The following FTO variants were observed in gnomAD, a reference collection of about 807,000 sequenced individuals.
The protein encoded by FTO is FTO alpha-ketoglutarate dependent dioxygenase.
A neutral mutation model predicts 63.9 loss-of-function variants in FTO; 47 were observed. The observed-to-expected ratio is 0.74, with a 90% CI of 0.58 to 0.94. The LOEUF (loss-of-function observed/expected upper bound fraction) is 0.94, where lower values mean the gene tolerates loss of function less well. FTO is among the 40% of genes least tolerant of loss of function. FTO has a pLI of 0.00. For missense variants in FTO, 562 were observed against 618.1 expected, an observed-to-expected ratio of 0.91 and a Z score of 0.96; for synonymous variants, 207 against 224.4, an observed-to-expected ratio of 0.92 and a Z score of 0.69.
At chr16:53,980,272 G>T (rs1359338220) in intron 8 of FTO, among the ~76,000 whole-genome samples, 1 of 152,150 alleles carries the variant, frequency 6.6e-6, no homozygotes, top group Non-Finnish European at 1.5e-5. Context: ...CCGAACAATT[G>T]TGAAATTAGT....
intron 1 of FTO, among the ~76,000 whole-genome samples, chr16:53,805,720 G>A (rs941544707): frequency 2.6e-5 from 4 of 152,162 alleles, no homozygotes; most frequent in Admixed American, 2.0e-4. Flanking sequence ...AAAGTGCTGG[G>A]ATTACAGGTG....
At position 54,112,137 on chromosome 16, in the gene FTO, C is replaced by A. The variant is rs1432551625; in HGVS notation, c.*222C>A. Reference sequence around the variant, plus strand: ...TTGGTGTTAAACAGGACCTTCTTCCCCCAAAATTGTTCAGATTATAAAATG... The same window carrying A: ...TTGGTGTTAAACAGGACCTTCTTCCACCAAAATTGTTCAGATTATAAAATG... On this transcript the variant is annotated 3_prime_UTR_variant, in exon 9 of 9. Transcript: ENST00000471389. The A allele has an allele frequency of 3.5e-6, 2 of 566,514 alleles. No homozygotes were observed. Among genetic ancestry groups the A allele is most frequent in the African/African-American group, 3.8e-5 (2 of 53,108 alleles). 35.1% of individuals were successfully genotyped at this position (566,514 alleles called of 1,614,324 possible).
Position 53,901,807 on chromosome 16 carries a change from G to A in FTO, c.1239+12856G>A, listed in dbSNP as rs144229700. Among the ~76,000 whole-genome samples, 126 of 152,238 alleles carry A rather than the reference G, an allele frequency of 8.3e-4. 1 individual carries two copies. The highest frequency in any genetic ancestry group is 2.9e-3 in the African/African-American group (121 of 41,570). ...CAATGACTGGTTTTATTACTTCTAAGGCACAAGATGTTAATTGTTGAGTGA... is the reference window on the plus strand; with the variant it reads ...CAATGACTGGTTTTATTACTTCTAAAGCACAAGATGTTAATTGTTGAGTGA... On this transcript the variant is annotated intron_variant, in intron 7 of 8. Transcript: ENST00000471389.
At chr16:54,054,755 A>G (rs748362092) in intron 8 of FTO, among the ~76,000 whole-genome samples, 4 of 152,240 alleles carry the variant, frequency 2.6e-5, no homozygotes, top group Admixed American at 6.5e-5. Context: ...GGAAGATGAA[A>G]TAGGTACCAT....
At chr16:53,966,366 A>G (rs1246978962) in intron 8 of FTO, among the ~76,000 whole-genome samples, 1 of 152,224 alleles carries the variant, frequency 6.6e-6, no homozygotes, top group Non-Finnish European at 1.5e-5. Flanking sequence ...AAGCAGTTTG[A>G]TTATGACAGA....
At chr16:53,704,266 G>C in intron 1 of FTO, 37 bp downstream of exon 1, 1 of 1,547,826 alleles carries the variant, frequency 6.5e-7, no homozygotes, top group South Asian at 1.2e-5. Context: ...ATCTTCGTGC[G>C]CTGTGAGCAA....
chr16:53,955,512 G>C (rs1007079185), intron 8 of FTO, among the ~76,000 whole-genome samples: 2 of 152,158 alleles, frequency 1.3e-5, no homozygotes, highest in East Asian at 3.9e-4. Flanking sequence ...AAGTAAGTGA[G>C]ATGGGATGAG....
chr16:53,708,227 G>A (rs1165299331), intron 1 of FTO, among the ~76,000 whole-genome samples: 1 of 152,162 alleles, frequency 6.6e-6, no homozygotes, highest in Non-Finnish European at 1.5e-5. Context: ...TTAGCCAGGA[G>A]TGGTGGCACA....
At chr16:53,858,818 G>A (rs112026871) in intron 4 of FTO, among the ~76,000 whole-genome samples, 3,148 of 151,832 alleles carry the variant, frequency 0.021, 110 homozygotes, top group African/African-American at 0.073. Flanking sequence ...GTGCCACCAC[G>A]CCCAGCTGAT....
chr16:54,012,786 T>C (rs1357405145), intron 8 of FTO, among the ~76,000 whole-genome samples: 1 of 152,008 alleles, frequency 6.6e-6, no homozygotes, highest in African/African-American at 2.4e-5. Flanking sequence ...GTTTATAGTA[T>C]GGTTTACTGA....
At chr16:53,981,321 T>C (rs2083538409) in intron 8 of FTO, 2 of 152,214 alleles carry the variant, frequency 1.3e-5, no homozygotes, top group Admixed American at 1.3e-4. Context: ...CAAGACCCCA[T>C]CTCTAAAACA....
intron 8 of FTO, among the ~76,000 whole-genome samples, chr16:54,069,742 C>T (rs545218812): frequency 3.3e-5 from 5 of 152,220 alleles, no homozygotes; most frequent in Admixed American, 2.6e-4. Flanking sequence ...GAAATTGACT[C>T]ACTGGCCATG....
intron 1 of FTO, among the ~76,000 whole-genome samples, chr16:53,788,508 C>T (rs1051036407): frequency 6.7e-6 from 1 of 149,208 alleles, no homozygotes; most frequent in African/African-American, 2.5e-5. Context: ...GAGGCTGAGG[C>T]AGGAGAATTG....
intron 8 of FTO, among the ~76,000 whole-genome samples, chr16:53,996,797 A>G (rs2083941183): frequency 6.6e-6 from 1 of 151,990 alleles, no homozygotes; most frequent in Non-Finnish European, 1.5e-5. Flanking sequence ...CAAAAGGGGG[A>G]AAAGCCCCTT....
At chr16:54,024,815 A>G (rs2084679444) in intron 8 of FTO, among the ~76,000 whole-genome samples, 1 of 152,244 alleles carries the variant, frequency 6.6e-6, no homozygotes, top group South Asian at 2.1e-4. Context: ...ATTATTCCCA[A>G]AATTTAATTT....
At chr16:53,771,208 A>T (rs557354803) in intron 1 of FTO, among the ~76,000 whole-genome samples, 3 of 152,124 alleles carry the variant, frequency 2.0e-5, no homozygotes, top group Non-Finnish European at 4.4e-5. Flanking sequence ...GGGAACTAAT[A>T]TTTATAGTTA....
chr16:53,865,738 ATTC>A (rs1489800200), intron 4 of FTO, among the ~76,000 whole-genome samples: 1 of 152,154 alleles, frequency 6.6e-6, no homozygotes, highest in Non-Finnish European at 1.5e-5. Flanking sequence ...TTCTGCTGCC[ATTC>A]TTGTTTCCCC....
At chr16:54,094,509 A>G (rs1241536407) in intron 8 of FTO, among the ~76,000 whole-genome samples, 1 of 152,218 alleles carries the variant, frequency 6.6e-6, no homozygotes, top group Admixed American at 6.5e-5. Flanking sequence ...CTCTCAGCAT[A>G]TAGGATTACC....
intron 1 of FTO, among the ~76,000 whole-genome samples, chr16:53,777,950 C>T (rs2077499633): frequency 6.6e-6 from 1 of 152,130 alleles, no homozygotes; most frequent in Admixed American, 6.5e-5. Flanking sequence ...TCAAATCACA[C>T]ATGTACTTTT....
Sources: allele counts gnomAD v4.1 joint callset (sites outside exome capture counted in the v4.1 genomes callset), GRCh38; gene constraint gnomAD v4.1.1; transcripts MANE v1.5; gene names NCBI Gene and HGNC (gene_info 2026-07-23, HGNC 2026-07-21).